RPS6KC1: variants seen among roughly 807,000 people sequenced by gnomAD.
RPS6KC1 encodes the protein inactive ribosomal protein S6 kinase delta-1.
Under a neutral mutation model 103.8 loss-of-function variants are expected in RPS6KC1, and 54 were observed. The ratio of observed to expected loss-of-function variants is 0.52; its 90% CI spans 0.42 to 0.65. The LOEUF is 0.65. RPS6KC1 is among the 30% of genes least tolerant of loss of function. The probability of loss-of-function intolerance (pLI) is 0.00; values close to 1 mark genes in which losing one functional copy is unlikely to be tolerated. For missense variants in RPS6KC1, 1,151 were observed against 1,253.8 expected, an observed-to-expected ratio of 0.92 and a Z score of 1.24; for synonymous variants, 439 against 438.7, an observed-to-expected ratio of 1.00 and a Z score of -0.01.
the RPS6KC1 span, among the ~76,000 whole-genome samples, chr1:213,354,228 C>A: frequency 6.6e-6 from 1 of 152,178 alleles, no homozygotes; most frequent in African/African-American, 2.4e-5. Context: ...GTCATGTAGA[C>A]GAAGCTCTTA....
At chr1:213,238,386 G>A (rs1257081369) in intron 10 of RPS6KC1, among the ~76,000 whole-genome samples, 1 of 152,198 alleles carries the variant, frequency 6.6e-6, no homozygotes, top group East Asian at 1.9e-4. Flanking sequence ...AGTAGGGGGA[G>A]AGGACCAAAT....
the RPS6KC1 span, among the ~76,000 whole-genome samples, chr1:213,696,649 T>A: frequency 6.6e-6 from 1 of 152,124 alleles, no homozygotes; most frequent in African/African-American, 2.4e-5. Flanking sequence ...TGAGTACACC[T>A]CTTAATTCCA....
chr1:213,060,030 C>T (rs1039628406), intron 1 of RPS6KC1, among the ~76,000 whole-genome samples: 3 of 152,072 alleles, frequency 2.0e-5, no homozygotes, highest in African/African-American at 7.2e-5. Context: ...GTTGGCCAGG[C>T]TGGTCTCTAA....
chr1:213,205,536 T>TTATTTATATATATATATATATA (rs1553378415), intron 8 of RPS6KC1: 4 of 82,292 alleles, frequency 4.9e-5, no homozygotes, highest in Admixed American at 1.1e-4. Flanking sequence ...ACAAACTCAT[T>TTATTTATATATATATATATATA]TATATATATA....
the RPS6KC1 span, among the ~76,000 whole-genome samples, chr1:213,849,507 A>G: frequency 3.3e-5 from 5 of 152,224 alleles, no homozygotes; most frequent in Non-Finnish European, 7.3e-5. Context: ...CTATGAATGT[A>G]CAAATGTATA....
chr1:213,216,802 A>G (rs2093676808), intron 8 of RPS6KC1, among the ~76,000 whole-genome samples: 2 of 152,330 alleles, frequency 1.3e-5, no homozygotes, highest in East Asian at 3.9e-4. Flanking sequence ...AGGCAGAAAT[A>G]AAGATGTTCT....
the RPS6KC1 span, among the ~76,000 whole-genome samples, chr1:213,763,043 G>A: frequency 1.3e-5 from 2 of 152,056 alleles, no homozygotes; most frequent in Non-Finnish European, 2.9e-5. Flanking sequence ...ATTTTTAGTA[G>A]AGACAGGATT....
At chr1:213,286,913 C>T in the RPS6KC1 span, among the ~76,000 whole-genome samples, 2 of 152,138 alleles carry the variant, frequency 1.3e-5, no homozygotes, top group African/African-American at 4.8e-5. Context: ...TGACTGCCAC[C>T]ATGAGTATGC....
At chr1:213,058,633 C>T (rs1335696028) in intron 1 of RPS6KC1, among the ~76,000 whole-genome samples, 3 of 152,058 alleles carry the variant, frequency 2.0e-5, no homozygotes, top group Non-Finnish European at 4.4e-5. Flanking sequence ...TTATTTTGTT[C>T]CATACCATAC....
the RPS6KC1 span, among the ~76,000 whole-genome samples, chr1:213,849,975 T>C: frequency 6.6e-6 from 1 of 152,322 alleles, no homozygotes; most frequent in Non-Finnish European, 1.5e-5. Context: ...CTAAACTTTC[T>C]AGTTAGTTCA....
the RPS6KC1 span, among the ~76,000 whole-genome samples, chr1:213,774,931 G>T: frequency 6.6e-6 from 1 of 152,192 alleles, no homozygotes; most frequent in Admixed American, 6.5e-5. Context: ...TGGTCCTCTG[G>T]GGATTAAGAT....
At chr1:213,151,872 C>CA (rs2089051603) in intron 6 of RPS6KC1, among the ~76,000 whole-genome samples, 1 of 120,034 alleles carries the variant, frequency 8.3e-6, no homozygotes, top group African/African-American at 3.4e-5. Context: ...GCTGGCCGGG[C>CA]GGGGGGCTGA....
At chr1:213,747,417 GCTAATAATTTAGAAAACTC>G in the RPS6KC1 span, among the ~76,000 whole-genome samples, 3 of 152,092 alleles carry the variant, frequency 2.0e-5, no homozygotes, top group Non-Finnish European at 2.9e-5. Flanking sequence ...GAGAGGAATT[GCTAATAATTTAGAAAACTC>G]CTTTGAAGGA....
At chr1:213,724,749 A>G in the RPS6KC1 span, among the ~76,000 whole-genome samples, 1 of 152,192 alleles carries the variant, frequency 6.6e-6, no homozygotes, top group Admixed American at 6.5e-5. Context: ...AAAAATAATA[A>G]TAAACAAAAG....
chr1:213,262,664 A>T, intron 13 of RPS6KC1, 57 bp from the exon 14 acceptor site: 1 of 1,129,084 alleles, frequency 8.9e-7, no homozygotes, highest in Non-Finnish European at 1.4e-6. Flanking sequence ...AAATCCTATG[A>T]TAGAACAAAA....
At chr1:213,387,208 C>A in the RPS6KC1 span, among the ~76,000 whole-genome samples, 1 of 152,232 alleles carries the variant, frequency 6.6e-6, no homozygotes, top group Non-Finnish European at 1.5e-5. Flanking sequence ...AGCAGGGTTG[C>A]TGGAGGGAGT....
chr1:213,446,246 C>T, the RPS6KC1 span, among the ~76,000 whole-genome samples: 1 of 152,232 alleles, frequency 6.6e-6, no homozygotes, highest in East Asian at 1.9e-4. Flanking sequence ...TGCTTTCGTA[C>T]ATCCAGGCAA....
the RPS6KC1 span, among the ~76,000 whole-genome samples, chr1:213,461,021 T>C: frequency 1.8e-4 from 27 of 152,252 alleles, no homozygotes; most frequent in African/African-American, 6.5e-4. Flanking sequence ...ATGACATGAT[T>C]GTATATGTAG....
intron 14 of RPS6KC1, 127 bp from the exon 15 acceptor site, chr1:213,272,397 C>A: frequency 1.5e-6 from 1 of 682,534 alleles, no homozygotes; most frequent in Non-Finnish European, 2.6e-6. Flanking sequence ...GAAAAATGGT[C>A]ACTTGGCTAT....
Sources: gnomAD v4.1 joint callset for allele counts (sites outside exome capture counted in the v4.1 genomes callset) on GRCh38, gnomAD v4.1.1 for gene constraint, MANE v1.5 for transcripts, NCBI Gene and HGNC (gene_info 2026-07-23, HGNC 2026-07-21) for gene names.